Variants in MKLN1 observed in about 807,000 individuals in gnomAD.
MKLN1 encodes muskelin 1, also known as muskelin.
A neutral mutation model predicts 99.0 loss-of-function variants in MKLN1; 18 were observed. The observed-to-expected ratio is 0.18, with a 90% CI of 0.13 to 0.27. MKLN1 has a LOEUF of 0.27. MKLN1 is among the 10% of genes least tolerant of loss of function. The pLI is 1.00. For missense variants in MKLN1, 621 were observed against 875.9 expected (o/e 0.71, Z 3.67); for synonymous variants, 288 against 293.2 (o/e 0.98, Z 0.18).
chr7:131,453,034 A>G (rs1358876649), intron 12 of MKLN1, among the ~76,000 whole-genome samples: 1 of 152,212 alleles, frequency 6.6e-6, no homozygotes, highest in East Asian at 1.9e-4. Context: ...TTGATGTGTC[A>G]TTATTCAAAC....
chr7:131,353,750 T>TAA (rs1230524289), intron 1 of MKLN1, among the ~76,000 whole-genome samples: 2 of 151,898 alleles, frequency 1.3e-5, no homozygotes, highest in Admixed American at 6.6e-5. Flanking sequence ...CATAGTTTTA[T>TAA]ATTTTACATT....
Position 131,176,506 on chromosome 7 carries a change from T to C in MKLN1, c.-296-26351T>C, listed in dbSNP as rs192220616. ...GTCTTTTAAGCCTCATTTACAAAGT[T>C]TTTGTCAATTGTTTTATACTGACTT... On this transcript the variant is annotated intron_variant, in intron 2 of 7. Transcript: ENST00000416992. Among the ~76,000 whole-genome samples, 142 of 152,308 alleles carry C rather than the reference T, an allele frequency of 9.3e-4. 1 individual carries two copies. The highest frequency in any genetic ancestry group is 3.3e-3 in the African/African-American group (139 of 41,550).
At chr7:131,266,173 CAAAAAAAA>C (rs35332093) in intron 3 of MKLN1, among the ~76,000 whole-genome samples, 1 of 86,574 alleles carries the variant, frequency 1.2e-5, no homozygotes, top group African/African-American at 4.6e-5. Context: ...GACTGCATCT[CAAAAAAAA>C]AAAAAAAAAA....
intron 1 of MKLN1, among the ~76,000 whole-genome samples, chr7:131,330,738 T>C (rs1384504052): frequency 6.6e-6 from 1 of 152,236 alleles, no homozygotes; most frequent in Non-Finnish European, 1.5e-5. Flanking sequence ...TGAACAATTT[T>C]ATCTCTATTT....
At chr7:131,192,300 T>A (rs1274471267) in intron 2 of MKLN1, among the ~76,000 whole-genome samples, 1 of 66,312 alleles carries the variant, frequency 1.5e-5, no homozygotes, top group East Asian at 3.3e-4. Flanking sequence ...ATACAATATA[T>A]AAATATATAA....
rs1294356137 is a variant in MKLN1 at position 131,489,723 on chromosome 7, C to G, written c.*1995C>G. The G allele has an allele frequency of 1.3e-5, 2 of 152,090 alleles. No individual in the cohort carries two copies. The highest frequency in any genetic ancestry group is 2.4e-5 in the African/African-American group (1 of 41,442). The allele number at this position is 152,090 out of a possible 1,614,324, so 9.4% of individuals were successfully genotyped here. On this transcript the variant is annotated 3_prime_UTR_variant, in exon 18 of 18. Transcript: ENST00000352689. ...TACAGTGCTTTGTAATTTTTTTCAT[C>G]AGTTCCTTAAATGTTATTTGGAGGA...
intron 3 of MKLN1, among the ~76,000 whole-genome samples, chr7:131,266,359 A>G (rs1797809097): frequency 6.6e-6 from 1 of 152,186 alleles, no homozygotes; most frequent in African/African-American, 2.4e-5. Context: ...GTAAAATGGG[A>G]CAATAATTAC....
chr7:131,207,089 C>G (rs1324250884), intron 3 of MKLN1, among the ~76,000 whole-genome samples: 1 of 152,136 alleles, frequency 6.6e-6, no homozygotes, highest in African/African-American at 2.4e-5. Flanking sequence ...GAGGCATTTA[C>G]TCCCATTTTT....
At chr7:131,350,918 G>T (rs1799701777) in intron 1 of MKLN1, among the ~76,000 whole-genome samples, 1 of 152,112 alleles carries the variant, frequency 6.6e-6, no homozygotes, top group Admixed American at 6.5e-5. Context: ...TGGCCACAAT[G>T]TCATTATTTT....
intron 2 of MKLN1, among the ~76,000 whole-genome samples, chr7:131,193,718 G>A (rs1796601697): frequency 6.6e-6 from 1 of 151,862 alleles, no homozygotes; most frequent in Non-Finnish European, 1.5e-5. Context: ...GGAATTCAGT[G>A]GCACCATCAT....
intron 2 of MKLN1, among the ~76,000 whole-genome samples, chr7:131,201,854 G>T (rs1413825493): frequency 6.6e-6 from 1 of 152,156 alleles, no homozygotes; most frequent in Non-Finnish European, 1.5e-5. Flanking sequence ...TTGGCATCAA[G>T]CTAGAAAATT....
At chr7:131,473,310 A>G (rs1258335718) in intron 16 of MKLN1, among the ~76,000 whole-genome samples, 4 of 152,048 alleles carry the variant, frequency 2.6e-5, no homozygotes, top group African/African-American at 4.8e-5. Flanking sequence ...CAGACATTTA[A>G]TGTTATTAAA....
chr7:131,268,384 T>TAG (rs1563273132), intron 3 of MKLN1, among the ~76,000 whole-genome samples: 1 of 152,188 alleles, frequency 6.6e-6, no homozygotes, highest in African/African-American at 2.4e-5. Context: ...ATTGGTCAGA[T>TAG]AGGCTAATTG....
At position 131,492,650 on chromosome 7, in the gene MKLN1, C is replaced by T; in HGVS notation, c.*4922C>T. On this transcript the variant is annotated 3_prime_UTR_variant, in exon 18 of 18. Coordinates refer to ENST00000352689, the MANE Select transcript of MKLN1 (RefSeq NM_013255.5). Reference sequence around the variant, plus strand: ...ACTTGGGAGGCTGAGGTGGGAGGATCACTTGAACCCAGGAGTTTGGGGTGC... The same window carrying T: ...ACTTGGGAGGCTGAGGTGGGAGGATTACTTGAACCCAGGAGTTTGGGGTGC... 1 of 150,066 alleles carries T rather than the reference C, an allele frequency of 6.7e-6. No homozygotes were observed. Among genetic ancestry groups the T allele is most frequent in the East Asian group, 2.0e-4 (1 of 5,082 alleles). 9.3% of individuals were successfully genotyped at this position (150,066 alleles called of 1,614,324 possible).
chr7:131,191,910 G>A (rs1796547469), intron 2 of MKLN1, among the ~76,000 whole-genome samples: 2 of 149,546 alleles, frequency 1.3e-5, no homozygotes, highest in African/African-American at 4.9e-5. Context: ...AGTAGAGATG[G>A]GTTTTCACCA....
At chr7:131,140,904 C>A (rs1039632511) in intron 1 of MKLN1, among the ~76,000 whole-genome samples, 1 of 152,022 alleles carries the variant, frequency 6.6e-6, no homozygotes, top group Admixed American at 6.6e-5. Context: ...CTCAGCCTCC[C>A]GAGTAGCTGG....
intron 2 of MKLN1, among the ~76,000 whole-genome samples, chr7:131,171,364 T>C (rs1272189513): frequency 6.6e-6 from 1 of 152,182 alleles, no homozygotes; most frequent in African/African-American, 2.4e-5. Flanking sequence ...AGAAGGGCAA[T>C]ACAGTTGGCA....
At chr7:131,111,188 G>T (rs180720176) in intron 1 of MKLN1, among the ~76,000 whole-genome samples, 1 of 152,166 alleles carries the variant, frequency 6.6e-6, no homozygotes, top group East Asian at 1.9e-4. Flanking sequence ...TAACTGAAAG[G>T]CTAATGACTG....
At chr7:131,174,644 T>A (rs1796266596) in intron 2 of MKLN1, among the ~76,000 whole-genome samples, 1 of 152,294 alleles carries the variant, frequency 6.6e-6, no homozygotes, top group South Asian at 2.1e-4. Flanking sequence ...CCTGACGTGA[T>A]TAAACAGACT....
Sources: gnomAD v4.1 joint callset for allele counts (sites outside exome capture counted in the v4.1 genomes callset) on GRCh38, gnomAD v4.1.1 for gene constraint, MANE v1.5 for transcripts, NCBI Gene and HGNC (gene_info 2026-07-23, HGNC 2026-07-21) for gene names.